MYO16: variants seen among roughly 807,000 people sequenced by gnomAD.
The protein encoded by MYO16 is myosin XVI.
MYO16 carries 94 observed loss-of-function variants against 205.3 expected under a neutral mutation model. The ratio of observed to expected loss-of-function variants is 0.46; its 90% CI spans 0.39 to 0.54. The LOEUF is 0.54. Among genes scored for constraint, MYO16 ranks in the 20% least tolerant of loss-of-function variants. MYO16 has a pLI of 0.00. For missense variants in MYO16, 2,315 were observed against 2,387.5 expected (o/e 0.97, Z 0.63); for synonymous variants, 988 against 954.0 (o/e 1.04, Z -0.66).
At chr13:108,712,209 T>G (rs1457160081) in intron 2 of MYO16, among the ~76,000 whole-genome samples, 3 of 152,166 alleles carry the variant, frequency 2.0e-5, no homozygotes, top group African/African-American at 7.2e-5. Context: ...TGCCAAGGGC[T>G]AATGGCACCA....
chr13:108,974,179 A>G (rs1399139531), intron 20 of MYO16, among the ~76,000 whole-genome samples: 2 of 152,196 alleles, frequency 1.3e-5, no homozygotes, highest in Non-Finnish European at 2.9e-5. Flanking sequence ...GTATAGGTGT[A>G]TCTTAATGTG....
At chr13:108,639,637 T>C (rs1183113410) in intron 1 of MYO16, among the ~76,000 whole-genome samples, 1 of 152,228 alleles carries the variant, frequency 6.6e-6, no homozygotes, top group East Asian at 1.9e-4. Flanking sequence ...TCCACTAAGA[T>C]GGAATTCTTA....
intron 1 of MYO16, among the ~76,000 whole-genome samples, chr13:108,608,440 C>G (rs781166421): frequency 6.6e-6 from 1 of 152,296 alleles, no homozygotes; most frequent in Admixed American, 6.5e-5. Flanking sequence ...CTCATCGGAC[C>G]TAGCCAGAAC....
At chr13:109,145,326 G>A (rs1475301582) in intron 32 of MYO16, among the ~76,000 whole-genome samples, 1 of 151,578 alleles carries the variant, frequency 6.6e-6, no homozygotes, top group Admixed American at 6.6e-5. Context: ...TCTTCCCCTA[G>A]CTACCTATGC....
At chr13:108,846,007 C>T (rs1207660851) in intron 10 of MYO16, among the ~76,000 whole-genome samples, 1 of 152,066 alleles carries the variant, frequency 6.6e-6, no homozygotes, top group Non-Finnish European at 1.5e-5. Flanking sequence ...CCACACCTGG[C>T]AAAATATTCT....
intron 18 of MYO16, 60 bp downstream of exon 18, chr13:108,961,716 C>A (rs1359347185): frequency 1.2e-5 from 16 of 1,315,856 alleles, no homozygotes; most frequent in Non-Finnish European, 1.5e-5. Flanking sequence ...GTAGATCTAC[C>A]AGTAGATGGC....
At chr13:108,551,273 A>T in the MYO16 span, among the ~76,000 whole-genome samples, 33 of 152,234 alleles carry the variant, frequency 2.2e-4, no homozygotes, top group Middle Eastern at 3.4e-3. Flanking sequence ...CGAGTTTCAG[A>T]TGTATCCACA....
At chr13:108,737,186 G>T (rs149028209) in intron 4 of MYO16, among the ~76,000 whole-genome samples, 59 of 152,174 alleles carry the variant, frequency 3.9e-4, no homozygotes, top group South Asian at 3.3e-3. Flanking sequence ...TGAATAGGAG[G>T]GGTGAGAGAG....
chr13:108,862,682 A>G (rs1878502818), intron 11 of MYO16, among the ~76,000 whole-genome samples: 1 of 152,216 alleles, frequency 6.6e-6, no homozygotes, highest in Admixed American at 6.6e-5. Flanking sequence ...GTTCTTAAAC[A>G]TGTGTTAGCT....
At chr13:109,088,720 C>G (rs959932444) in intron 27 of MYO16, among the ~76,000 whole-genome samples, 9 of 152,232 alleles carry the variant, frequency 5.9e-5, no homozygotes, top group South Asian at 2.1e-4. Context: ...CCTTCATGCT[C>G]GGCACCGCCA....
Position 108,751,233 on chromosome 13 carries a change from G to C in MYO16, c.507+23650G>C, listed in dbSNP as rs546406878. 1.4e-4 allele frequency among the ~76,000 whole-genome samples: 21 copies of C among 152,078 alleles called. No individual in the cohort carries two copies. In the Middle Eastern group the frequency reaches 0.01, roughly 74 times the overall value. On this transcript the variant is annotated intron_variant, in intron 4 of 34. Transcript: ENST00000457511. ...CAAAAACAGGGATTTTTGGAGAAAC[G>C]ACTGAATCTAGGTCTTGCATGAAAT...
chr13:108,685,285 T>G (rs1439802248), intron 2 of MYO16, among the ~76,000 whole-genome samples: 1 of 152,152 alleles, frequency 6.6e-6, no homozygotes, highest in African/African-American at 2.4e-5. Context: ...CCTCCCAAAG[T>G]GCTGGGATTA....
At chr13:109,075,320 A>G (rs1273866131) in intron 27 of MYO16, among the ~76,000 whole-genome samples, 3 of 78,746 alleles carry the variant, frequency 3.8e-5, no homozygotes, top group Admixed American at 1.5e-4. Flanking sequence ...CTCCTGTCCA[A>G]CACGTGGTTT....
rs749381154 is a variant in MYO16, at chr13:109,055,588, C to T, written c.3328C>T (p.Leu1110=). ...YPVRLSFSDF[L]SRYKPLADTF... is the part of the protein sequence containing the mutation. Reference sequence around the variant, plus strand: ...TGTTCGCCTTTCCTTCTCGGATTTCCTGTCAAGGTAAATTCTTCTGCTCTT... The same window carrying T: ...TGTTCGCCTTTCCTTCTCGGATTTCTTGTCAAGGTAAATTCTTCTGCTCTT... The change falls in exon 27 of 35, where the codon CTG becomes TTG. Residue 1110 remains leucine (L), a synonymous_variant. Transcript: ENST00000457511. The surrounding 1 kb of genome is among the most constrained non-coding windows in gnomAD (Gnocchi z 5.0). 1.2e-6 allele frequency: 2 copies of T among 1,608,954 alleles called. No homozygotes were observed. The highest frequency in any genetic ancestry group is 2.2e-5 in the East Asian group (1 of 44,840).
chr13:109,018,819 G>T (rs1276357219), intron 22 of MYO16, among the ~76,000 whole-genome samples: 2 of 152,098 alleles, frequency 1.3e-5, no homozygotes, highest in African/African-American at 4.8e-5. Flanking sequence ...ACCCTCCATG[G>T]GCTGCACCCA....
chr13:109,018,290 C>T (rs1009325927), intron 22 of MYO16, among the ~76,000 whole-genome samples: 1 of 152,326 alleles, frequency 6.6e-6, no homozygotes, highest in South Asian at 2.1e-4. Flanking sequence ...TGGGTATCAC[C>T]AGCAGCAGCT....
At chr13:109,034,839 A>G (rs991806983) in intron 23 of MYO16, among the ~76,000 whole-genome samples, 2 of 152,174 alleles carry the variant, frequency 1.3e-5, no homozygotes, top group African/African-American at 2.4e-5. Context: ...CCCTAAAATA[A>G]TAGTTTTGTT....
intron 11 of MYO16, among the ~76,000 whole-genome samples, chr13:108,859,584 C>G (rs1878357170): frequency 6.6e-6 from 1 of 152,116 alleles, no homozygotes; most frequent in African/African-American, 2.4e-5. Context: ...TTTCCACAGT[C>G]TGCAGTATTA....
intron 27 of MYO16, among the ~76,000 whole-genome samples, chr13:109,067,786 C>T (rs988698222): frequency 4.6e-4 from 70 of 152,060 alleles, no homozygotes; most frequent in African/African-American, 1.5e-3. Flanking sequence ...TCGTTCGTGG[C>T]GTAAGGCAGC....
Sources: gnomAD v4.1 joint callset for allele counts (sites outside exome capture counted in the v4.1 genomes callset) on GRCh38, gnomAD v4.1.1 for gene constraint, Gnocchi (gnomAD v3.1) non-coding constraint, MANE v1.5 for transcripts, NCBI Gene and HGNC (gene_info 2026-07-23, HGNC 2026-07-21) for gene names.